Variants in CTNNA2 observed in about 807,000 individuals in gnomAD.
CTNNA2 encodes catenin alpha-2.
A neutral mutation model predicts 101.0 loss-of-function variants in CTNNA2; 42 were observed. The observed-to-expected ratio is 0.42, with a 90% CI of 0.32 to 0.54. CTNNA2 has a LOEUF of 0.54. Ranked by LOEUF, CTNNA2 falls within the 20% of genes least tolerant of loss-of-function variation. CTNNA2 has a pLI of 0.14. For synonymous variants in CTNNA2, 450 were observed against 456.4 expected, an observed-to-expected ratio of 0.99 and a Z score of 0.18; for missense variants, 871 against 1,223.1, an observed-to-expected ratio of 0.71 and a Z score of 4.29.
chr2:79,340,694 G>A (rs1466574321), intron 3 of CTNNA2, among the ~76,000 whole-genome samples: 1 of 151,842 alleles, frequency 6.6e-6, no homozygotes, highest in Non-Finnish European at 1.5e-5. Context: ...TTAGCCAGGC[G>A]TGGGTTGCAG....
chr2:79,295,490 CT>C (rs1446755538), intron 2 of CTNNA2, among the ~76,000 whole-genome samples: 1 of 151,920 alleles, frequency 6.6e-6, no homozygotes, highest in Non-Finnish European at 1.5e-5. Context: ...CTGGATTTTT[CT>C]TTTCTTTTTT....
intron 7 of CTNNA2, among the ~76,000 whole-genome samples, chr2:79,979,674 A>G (rs1240282277): frequency 6.6e-6 from 1 of 152,168 alleles, no homozygotes; most frequent in Non-Finnish European, 1.5e-5. Flanking sequence ...AAACTACAGT[A>G]CGACAAGACA....
At chr2:79,302,623 A>T (rs1194023245) in intron 2 of CTNNA2, among the ~76,000 whole-genome samples, 1 of 152,164 alleles carries the variant, frequency 6.6e-6, no homozygotes, top group Non-Finnish European at 1.5e-5. Context: ...GTAATTCCTT[A>T]AGACAGGACT....
chr2:80,077,197 A>G (rs560813469), intron 7 of CTNNA2, among the ~76,000 whole-genome samples: 1 of 152,348 alleles, frequency 6.6e-6, no homozygotes, highest in East Asian at 1.9e-4. Flanking sequence ...CTTGGAAAAC[A>G]GTTTGGCAAT....
intron 1 of CTNNA2, among the ~76,000 whole-genome samples, chr2:79,586,081 G>T (rs117844571): frequency 6.6e-6 from 1 of 152,084 alleles, no homozygotes; most frequent in Admixed American, 6.6e-5. Flanking sequence ...ACCCATGGAG[G>T]GAAATGGAAC....
At chr2:80,054,511 G>A (rs1183888543) in intron 7 of CTNNA2, among the ~76,000 whole-genome samples, 3 of 152,192 alleles carry the variant, frequency 2.0e-5, no homozygotes, top group Non-Finnish European at 4.4e-5. Context: ...AGGATGGCAA[G>A]GTTAATTGCA....
At chr2:79,960,932 T>G (rs1689584094) in intron 7 of CTNNA2, among the ~76,000 whole-genome samples, 1 of 152,196 alleles carries the variant, frequency 6.6e-6, no homozygotes, top group Non-Finnish European at 1.5e-5. Context: ...CAGTAATCAC[T>G]GGGTGATACA....
chr2:79,991,000 T>A (rs1029433423), intron 7 of CTNNA2, among the ~76,000 whole-genome samples: 37 of 152,200 alleles, frequency 2.4e-4, no homozygotes, highest in African/African-American at 8.7e-4. Flanking sequence ...GGTTTAGTCT[T>A]GGGAGGGTGT....
At chr2:79,312,983 A>G (rs1300460346) in intron 3 of CTNNA2, among the ~76,000 whole-genome samples, 1 of 152,202 alleles carries the variant, frequency 6.6e-6, no homozygotes, top group Non-Finnish European at 1.5e-5. Context: ...GTGTTTGTGC[A>G]CAGAGCAATT....
intron 7 of CTNNA2, among the ~76,000 whole-genome samples, chr2:79,970,485 C>A (rs900953804): frequency 6.6e-6 from 1 of 152,174 alleles, no homozygotes; most frequent in African/African-American, 2.4e-5. Flanking sequence ...CTGTTATTCT[C>A]CTCTGCTATA....
chr2:79,901,125 C>T (rs906528270), intron 6 of CTNNA2, among the ~76,000 whole-genome samples: 8 of 151,772 alleles, frequency 5.3e-5, no homozygotes, highest in African/African-American at 1.9e-4. Context: ...TTTAGGTTTT[C>T]TGGTTTTCAT....
chr2:80,079,112 C>T (rs1698951870), intron 7 of CTNNA2, among the ~76,000 whole-genome samples: 1 of 152,176 alleles, frequency 6.6e-6, no homozygotes, highest in Non-Finnish European at 1.5e-5. Flanking sequence ...GGTGAATTTG[C>T]TAGCTGGCGT....
At chr2:79,776,853 C>G (rs1397688) in intron 3 of CTNNA2, 24,606 of 152,158 alleles carry the variant, frequency 0.16, 3,384 homozygotes, top group East Asian at 0.39. Context: ...CTAAAGAGCT[C>G]TGTCACATTG....
intron 4 of CTNNA2, among the ~76,000 whole-genome samples, chr2:79,432,018 G>A (rs899300222): frequency 1.3e-5 from 2 of 152,180 alleles, no homozygotes; most frequent in African/African-American, 2.4e-5. Context: ...GATATTATAG[G>A]TGACTTCCAA....
chr2:80,561,683 A>G (rs1264031793), intron 12 of CTNNA2, among the ~76,000 whole-genome samples: 1 of 151,936 alleles, frequency 6.6e-6, no homozygotes, highest in Non-Finnish European at 1.5e-5. Flanking sequence ...TTTTTTTGAG[A>G]TGAAGTTTTG....
chr2:79,610,822 A>G (rs1678221744), intron 1 of CTNNA2, among the ~76,000 whole-genome samples: 1 of 152,136 alleles, frequency 6.6e-6, no homozygotes, highest in African/African-American at 2.4e-5. Flanking sequence ...TCCGCAAATT[A>G]TCAAATTGTA....
At chr2:80,412,568 T>C (rs536973114) in intron 8 of CTNNA2, among the ~76,000 whole-genome samples, 7 of 152,258 alleles carry the variant, frequency 4.6e-5, no homozygotes, top group African/African-American at 1.7e-4. Flanking sequence ...CACCAAAAGG[T>C]GATTTGGTGA....
chr2:80,324,995 T>C (rs947096378), intron 7 of CTNNA2, among the ~76,000 whole-genome samples: 2 of 152,192 alleles, frequency 1.3e-5, no homozygotes, highest in African/African-American at 4.8e-5. Flanking sequence ...TACTGGATAT[T>C]ATGTTCCTAT....
intron 9 of CTNNA2, among the ~76,000 whole-genome samples, chr2:80,441,609 T>G (rs1237688240): frequency 6.6e-6 from 1 of 152,204 alleles, no homozygotes; most frequent in African/African-American, 2.4e-5. Context: ...TTGATCTCCG[T>G]GACTTCTGTT....
Sources: gnomAD v4.1 joint callset for allele counts (sites outside exome capture counted in the v4.1 genomes callset) on GRCh38, gnomAD v4.1.1 for gene constraint, MANE v1.5 for transcripts, NCBI Gene and HGNC (gene_info 2026-07-23, HGNC 2026-07-21) for gene names.